CRHR1: variants seen among roughly 807,000 people sequenced by gnomAD.
The protein encoded by CRHR1 is corticotropin releasing hormone receptor 1.
In CRHR1, 28 loss-of-function variants were observed where a neutral mutation model predicts 56.0. The ratio of observed to expected loss-of-function variants is 0.50; its 90% CI spans 0.37 to 0.69. The LOEUF (loss-of-function observed/expected upper bound fraction) is 0.69. Ranked by LOEUF, CRHR1 falls within the 30% of genes least tolerant of loss-of-function variation. The pLI is 0.00. For missense variants in CRHR1, 376 were observed against 548.0 expected (o/e 0.69, Z 3.13); for synonymous variants, 195 against 216.5 (o/e 0.90, Z 0.87).
chr17:45,801,180 C>A (rs2061614412), intron 1 of CRHR1, among the ~76,000 whole-genome samples: 1 of 152,144 alleles, frequency 6.6e-6, no homozygotes, highest in Non-Finnish European at 1.5e-5. Context: ...GGCCCTCCAC[C>A]CCCTCCACAG....
At chr17:45,806,387 A>G (rs928261044) in intron 1 of CRHR1, among the ~76,000 whole-genome samples, 3 of 152,228 alleles carry the variant, frequency 2.0e-5, no homozygotes, top group African/African-American at 7.2e-5. Context: ...TCATCTGCAA[A>G]TAGGCACAGC....
At chr17:45,811,215 G>C (rs796784959) in intron 2 of CRHR1, among the ~76,000 whole-genome samples, 40 of 152,358 alleles carry the variant, frequency 2.6e-4, no homozygotes, top group African/African-American at 9.4e-4. Flanking sequence ...CCTACCTGGG[G>C]GAAGAAGCCA....
intron 12 of CRHR1, among the ~76,000 whole-genome samples, chr17:45,834,266 C>G (rs1412546222): frequency 5.3e-5 from 8 of 152,238 alleles, no homozygotes. Context: ...CCGCTGGCAC[C>G]AGGCTGGAAG....
intron 10 of CRHR1, 21 bp from the exon 11 acceptor site, chr17:45,833,693 T>TGGGGGGGGGGCCCCCCCCCCCC: frequency 1.3e-6 from 2 of 1,571,610 alleles, no homozygotes; most frequent in Non-Finnish European, 1.7e-6. Flanking sequence ...ACTCCGAGCC[T>TGGGGGGGGGGCCCCCCCCCCCC]CCCCACCCGC....
chr17:45,800,886 C>G (rs2061609289), intron 1 of CRHR1: 1 of 152,238 alleles, frequency 6.6e-6, no homozygotes, highest in African/African-American at 2.4e-5. Flanking sequence ...CCAGGCCACC[C>G]CTCCCTCCCT....
chr17:45,833,693 T>TGGGGGCCCCCCCCCCC, intron 10 of CRHR1, 21 bp from the exon 11 acceptor site: 6 of 1,571,572 alleles, frequency 3.8e-6, no homozygotes, highest in African/African-American at 1.4e-5. Flanking sequence ...ACTCCGAGCC[T>TGGGGGCCCCCCCCCCC]CCCCACCCGC....
At chr17:45,834,599 G>A (rs200788015) in intron 12 of CRHR1, 25 bp from the exon 13 acceptor site, 1 of 1,594,358 alleles carries the variant, frequency 6.3e-7, no homozygotes, top group Non-Finnish European at 8.6e-7. Context: ...AGGCTCAGAT[G>A]TCGTGCTCCT....
At chr17:45,827,351 G>A (rs534756539) in intron 4 of CRHR1, among the ~76,000 whole-genome samples, 11 of 152,376 alleles carry the variant, frequency 7.2e-5, no homozygotes, top group East Asian at 1.9e-4. Flanking sequence ...GAACAAGGCC[G>A]GGGTGTTGTG....
At chr17:45,795,137 G>T (rs143617847) in intron 1 of CRHR1, among the ~76,000 whole-genome samples, 1 of 152,200 alleles carries the variant, frequency 6.6e-6, no homozygotes, top group Non-Finnish European at 1.5e-5. Context: ...AGGAAAGGTC[G>T]TTTCCACCAG....
intron 1 of CRHR1, among the ~76,000 whole-genome samples, chr17:45,805,818 C>G (rs1162028210): frequency 6.6e-6 from 1 of 152,146 alleles, no homozygotes; most frequent in Non-Finnish European, 1.5e-5. Flanking sequence ...GGGGAAACAG[C>G]CACCTCTCCT....
chr17:45,809,489 A>G (rs1426376568), intron 2 of CRHR1, among the ~76,000 whole-genome samples: 1 of 152,236 alleles, frequency 6.6e-6, no homozygotes, highest in Non-Finnish European at 1.5e-5. Flanking sequence ...TGGAGCCAGC[A>G]GGCCATGATG....
At chr17:45,794,503 T>C (rs1006340745) in intron 1 of CRHR1, among the ~76,000 whole-genome samples, 23 of 152,326 alleles carry the variant, frequency 1.5e-4, no homozygotes, top group Admixed American at 8.5e-4. Flanking sequence ...GTGTCTCCAT[T>C]GCATGGATGT....
At position 45,790,637 on chromosome 17, in the gene CRHR1, T is replaced by C. The variant is rs144078316; in HGVS notation, c.33+6060T>C. 3.0e-4 allele frequency among the ~76,000 whole-genome samples: 45 copies of C among 152,160 alleles called. 1 individual carries two copies. Among genetic ancestry groups the C allele is most frequent in the Middle Eastern group, 3.4e-3 (1 of 292 alleles). ...CTCAGCGAGGTGCTTTGAGATGGGA[T>C]TTGTGGGGTGTGCATCTGCCCCCCT... On this transcript the variant is annotated intron_variant, in intron 1 of 12. Coordinates refer to ENST00000314537, the MANE Select transcript of CRHR1 (RefSeq NM_004382.5).
rs1449913105 is a variant in CRHR1, at chr17:45,833,994, C to T, written c.1066-13C>T. ...CTGCAGCCGACCTTTGACGCCTCCT[C>T]TCTCCTCCCCAGGGCTTCTTTGTGT... On this transcript the variant is annotated splice_polypyrimidine_tract_variant and intron_variant, in intron 11 of 12. Transcript: ENST00000314537. 6.2e-7 allele frequency: 1 copy of T among 1,613,930 alleles called. No homozygotes were observed. The highest frequency in any genetic ancestry group is 8.5e-7 in the Non-Finnish European group (1 of 1,179,916).
intron 1 of CRHR1, among the ~76,000 whole-genome samples, chr17:45,785,604 G>T (rs2061322252): frequency 1.3e-5 from 2 of 152,234 alleles, no homozygotes; most frequent in Admixed American, 1.3e-4. Flanking sequence ...CCGGCTCAGG[G>T]CATTCAGAGC....
At position 45,816,506 on chromosome 17, in the gene CRHR1, G is replaced by T; in HGVS notation, c.165G>T (p.Trp55Cys). 6.2e-7 allele frequency: 1 copy of T among 1,614,110 alleles called. No individual in the cohort carries two copies. The highest frequency in any genetic ancestry group is 8.5e-7 in the Non-Finnish European group (1 of 1,180,024). ...NASVDLIGTCWPRSPAGQLVV... is the reference protein window; with the variant it reads ...NASVDLIGTCCPRSPAGQLVV... ...CCGTGGACCTCATTGGCACCTGCTG[G>T]CCCCGCAGCCCTGCGGGGCAGCTAG... Residue 55 changes from tryptophan (W) to cysteine (C), a missense_variant, in exon 3 of 13, where the codon TGG becomes TGT. By Grantham distance (215) the Trp-to-Cys change is radical. This residue lies in a region of CRHR1 where 369 missense variants were observed against 519.5 expected (regional missense o/e 0.71). Coordinates refer to ENST00000314537, the MANE Select transcript of CRHR1 (RefSeq NM_004382.5).
intron 8 of CRHR1, among the ~76,000 whole-genome samples, chr17:45,831,591 A>G (rs1042844711): frequency 3.9e-5 from 6 of 152,172 alleles, no homozygotes; most frequent in African/African-American, 9.7e-5. Flanking sequence ...AAAAGTACCA[A>G]TGCCCAGGCT....
At chr17:45,797,194 G>A (rs2061533247) in intron 1 of CRHR1, among the ~76,000 whole-genome samples, 1 of 152,160 alleles carries the variant, frequency 6.6e-6, no homozygotes, top group South Asian at 2.1e-4. Flanking sequence ...AGTCAGGAAG[G>A]AAGAACGTGC....
intron 1 of CRHR1, among the ~76,000 whole-genome samples, chr17:45,798,249 G>A (rs185841241): frequency 1.3e-5 from 2 of 152,272 alleles, no homozygotes; most frequent in East Asian, 3.9e-4. Context: ...ACACGGGCTG[G>A]GCAGGGTGGC....
Sources: gnomAD v4.1 joint callset for allele counts (sites outside exome capture counted in the v4.1 genomes callset) on GRCh38, gnomAD v4.1.1 for gene constraint, gnomAD v4.1.1 regional missense constraint, MANE v1.5 for transcripts, NCBI Gene and HGNC (gene_info 2026-07-23, HGNC 2026-07-21) for gene names.